KCNIP4: variants seen among roughly 807,000 people sequenced by gnomAD.
The protein encoded by KCNIP4 is potassium voltage-gated channel interacting protein 4, also known as Kv channel-interacting protein 4.
In KCNIP4, 12 loss-of-function variants were observed where a neutral mutation model predicts 34.0. That is an observed-to-expected ratio of 0.35 (90% CI 0.23 to 0.57). The LOEUF (loss-of-function observed/expected upper bound fraction) is 0.57, where lower values mean the gene tolerates loss of function less well. Among genes scored for constraint, KCNIP4 ranks in the 20% least tolerant of loss-of-function variants. The pLI, the probability that KCNIP4 is intolerant of heterozygous loss-of-function variation, is 0.83. For missense variants in KCNIP4, 238 were observed against 311.7 expected, an observed-to-expected ratio of 0.76 and a Z score of 1.78; for synonymous variants, 124 against 102.2, an observed-to-expected ratio of 1.21 and a Z score of -1.29.
chr4:20,844,571 C>A (rs1421731572), intron 3 of KCNIP4, among the ~76,000 whole-genome samples: 1 of 152,126 alleles, frequency 6.6e-6, no homozygotes, highest in Non-Finnish European at 1.5e-5. Context: ...GGGCTTGTGA[C>A]AAAAGAGCAA....
At chr4:21,339,280 A>C (rs1716491283) in intron 1 of KCNIP4, among the ~76,000 whole-genome samples, 1 of 152,194 alleles carries the variant, frequency 6.6e-6, no homozygotes, top group Non-Finnish European at 1.5e-5. Context: ...AAGAATGAGA[A>C]GGCAATTGTT....
rs1319642410 is a variant in KCNIP4 at position 21,397,362 on chromosome 4, T to C, written c.62-514653A>G. Among the ~76,000 whole-genome samples the C allele has an allele frequency of 2.6e-5, 4 of 152,288 alleles. No individual in the cohort carries two copies. In the East Asian group the frequency reaches 5.8e-4, roughly 22 times the overall value. ...TGGAGACATTGGTATTAATATTTTT[T>C]TCCATGAATAATATCATCACATTTA... On this transcript the variant is annotated intron_variant, in intron 1 of 8. Coordinates refer to ENST00000382152, the MANE Select transcript of KCNIP4 (RefSeq NM_025221.6).
chr4:21,510,433 C>T (rs977111704), intron 1 of KCNIP4, among the ~76,000 whole-genome samples: 4 of 151,954 alleles, frequency 2.6e-5, no homozygotes, highest in Non-Finnish European at 5.9e-5. Flanking sequence ...ACTTATTCTA[C>T]TGATACTATT....
intron 1 of KCNIP4, among the ~76,000 whole-genome samples, chr4:21,256,673 T>C (rs753598615): frequency 1.3e-5 from 2 of 152,128 alleles, no homozygotes; most frequent in Non-Finnish European, 2.9e-5. Flanking sequence ...GGAGTCTAGA[T>C]TTAATTTTAA....
chr4:21,051,161 C>T lies in KCNIP4; in HGVS notation c.62-168452G>A, dbSNP rs191753730. ...TCCTCTGTGGGGCACAGCACTTGGGCTTCCCTTCTTTGAGCATCAAAAACA... is the reference window on the plus strand; with the variant it reads ...TCCTCTGTGGGGCACAGCACTTGGGTTTCCCTTCTTTGAGCATCAAAAACA... On this transcript the variant is annotated intron_variant, in intron 1 of 8. Transcript: ENST00000382152. Among the ~76,000 whole-genome samples, 404 of 152,342 alleles carry T rather than the reference C, an allele frequency of 2.7e-3. 3 individuals carry two copies. Among genetic ancestry groups the T allele is most frequent in the African/African-American group, 7.0e-3 (292 of 41,590 alleles).
chr4:20,950,480 A>G (rs1191343610), intron 1 of KCNIP4, among the ~76,000 whole-genome samples: 1 of 152,028 alleles, frequency 6.6e-6, no homozygotes, highest in Non-Finnish European at 1.5e-5. Context: ...CTGTTCTTTG[A>G]TATTGAAAAA....
intron 1 of KCNIP4, among the ~76,000 whole-genome samples, chr4:21,814,711 C>G (rs1721887662): frequency 2.0e-5 from 3 of 152,126 alleles, no homozygotes; most frequent in African/African-American, 7.2e-5. Flanking sequence ...ACTCGTACAC[C>G]TCTAAGGAAA....
rs536481705 is a variant in KCNIP4 at position 20,851,652 on chromosome 4, A to G, written c.164-985T>C. 2.0e-4 allele frequency among the ~76,000 whole-genome samples: 31 copies of G among 152,304 alleles called. No homozygotes were observed. In the South Asian group the frequency reaches 6.2e-3, roughly 31 times the overall value. On this transcript the variant is annotated intron_variant, in intron 2 of 8. Transcript: ENST00000382152. The stretch of plus-strand genomic sequence containing the variant: ...TGAACTAATTCACACTCCCACCAAC[A>G]GTGTAAAAGTTTCCCTTTTTCTCTA...
chr4:20,730,167 A>G (rs1747638853), intron 8 of KCNIP4, 38 bp from the exon 9 acceptor site: 1 of 1,583,460 alleles, frequency 6.3e-7, no homozygotes, highest in Non-Finnish European at 8.6e-7. Flanking sequence ...AATTCAGCAT[A>G]TCTGCAAGGA....
intron 3 of KCNIP4, among the ~76,000 whole-genome samples, chr4:20,772,925 C>CA (rs1317447453): frequency 6.6e-6 from 1 of 151,140 alleles, no homozygotes; most frequent in Non-Finnish European, 1.5e-5. Flanking sequence ...TCAGCCACCA[C>CA]ACCCGGCCCC....
intron 1 of KCNIP4, among the ~76,000 whole-genome samples, chr4:21,475,991 T>A (rs570691319): frequency 2.0e-5 from 3 of 152,270 alleles, no homozygotes; most frequent in African/African-American, 7.2e-5. Context: ...ACTAGTTTTC[T>A]ACAAAAGAAA....
At chr4:20,788,934 T>G (rs1249170695) in intron 3 of KCNIP4, among the ~76,000 whole-genome samples, 1 of 152,154 alleles carries the variant, frequency 6.6e-6, no homozygotes, top group Non-Finnish European at 1.5e-5. Context: ...CTTGAGCTCA[T>G]GAGTAAAAGG....
intron 1 of KCNIP4, among the ~76,000 whole-genome samples, chr4:21,361,015 A>G (rs1333686227): frequency 3.3e-5 from 5 of 150,886 alleles, no homozygotes; most frequent in Admixed American, 2.7e-4. Context: ...TCTTGTTCTG[A>G]ACATTTATCA....
At chr4:21,420,129 G>T (rs915265656) in intron 1 of KCNIP4, among the ~76,000 whole-genome samples, 1 of 151,934 alleles carries the variant, frequency 6.6e-6, no homozygotes, top group East Asian at 1.9e-4. Context: ...GTCAATGTTG[G>T]TGAAATGTCC....
chr4:21,720,255 A>G lies in KCNIP4; in HGVS notation c.61+228316T>C, dbSNP rs142961681. Among the ~76,000 whole-genome samples the G allele has an allele frequency of 5.1e-4, 77 of 152,172 alleles. 1 individual carries two copies. In the East Asian group the frequency reaches 0.014, roughly 28 times the overall value. On this transcript the variant is annotated intron_variant, in intron 1 of 8. Coordinates refer to ENST00000382152, the MANE Select transcript of KCNIP4 (RefSeq NM_025221.6). ...AATACCACATACAGAGTTTTCCATC[A>G]TAAGTACAGTACATATTTCTCCAAT...
At chr4:21,198,350 A>C (rs1000574996) in intron 1 of KCNIP4, among the ~76,000 whole-genome samples, 12 of 152,210 alleles carry the variant, frequency 7.9e-5, no homozygotes, top group Non-Finnish European at 1.0e-4. Flanking sequence ...ATGAGAACAG[A>C]GAGACATAAT....
In KCNIP4 at chr4:21,169,660, T is replaced by TTGCGTGTGTGTG. The variant is rs769666168; in HGVS notation, c.62-286952_62-286951insCACACACACGCA. On this transcript the variant is annotated intron_variant, in intron 1 of 8. Transcript: ENST00000382152. The stretch of plus-strand genomic sequence containing the variant: ...ATATGTATGTAGTCATACTTTATAT[T>TTGCGTGTGTGTG]TGTGTGTGTGTGTGTGTGTGTGTGT... 1.7e-3 allele frequency among the ~76,000 whole-genome samples: 237 copies of TTGCGTGTGTGTG among 136,296 alleles called. 7 individuals carry two copies. The highest frequency in any genetic ancestry group is 4.7e-3 in the African/African-American group (167 of 35,414). 89.4% of individuals were successfully genotyped at this position (136,296 alleles called of 152,430 possible).
intron 1 of KCNIP4, among the ~76,000 whole-genome samples, chr4:21,178,104 C>T (rs967900229): frequency 1.3e-5 from 2 of 152,086 alleles, no homozygotes; most frequent in Non-Finnish European, 2.9e-5. Context: ...ACTTACTTAG[C>T]ATAAGGCACT....
intron 1 of KCNIP4, among the ~76,000 whole-genome samples, chr4:21,697,107 T>C (rs1300587611): frequency 6.6e-6 from 1 of 151,982 alleles, no homozygotes; most frequent in Non-Finnish European, 1.5e-5. Flanking sequence ...TCCTGAAATT[T>C]ACCAAGAACA....
Sources: allele counts gnomAD v4.1 joint callset (sites outside exome capture counted in the v4.1 genomes callset), GRCh38; gene constraint gnomAD v4.1.1; transcripts MANE v1.5; gene names NCBI Gene and HGNC (gene_info 2026-07-23, HGNC 2026-07-21).